HHAT: variants seen among roughly 807,000 people sequenced by gnomAD.
The protein encoded by HHAT is protein-cysteine N-palmitoyltransferase HHAT.
Under a neutral mutation model 70.8 loss-of-function variants are expected in HHAT, and 47 were observed. That is an observed-to-expected ratio of 0.66 (90% confidence interval 0.53 to 0.85). HHAT has a LOEUF of 0.85. HHAT is among the 40% of genes least tolerant of loss of function. The pLI is 0.00. For missense variants in HHAT, 609 were observed against 604.8 expected (o/e 1.01, Z -0.07); for synonymous variants, 228 against 247.6 (o/e 0.92, Z 0.74).
chr1:210,418,448 A>G (rs752674706), intron 7 of HHAT, 123 bp downstream of exon 7: 2 of 842,352 alleles, frequency 2.4e-6, no homozygotes, highest in Non-Finnish European at 3.6e-6. Context: ...CTTTATTATT[A>G]TTTTTTAACC....
chr1:210,517,778 T>TCAAAACA (rs1457613348), intron 9 of HHAT, among the ~76,000 whole-genome samples: 2 of 152,224 alleles, frequency 1.3e-5, no homozygotes, highest in African/African-American at 4.8e-5. Context: ...TAAAAGTATT[T>TCAAAACA]CAAAACATGT....
intron 3 of HHAT, among the ~76,000 whole-genome samples, chr1:210,373,932 C>G (rs555385998): frequency 6.6e-6 from 1 of 152,174 alleles, no homozygotes; most frequent in East Asian, 1.9e-4. Flanking sequence ...CAGTCTGTGT[C>G]TCCAATGTTA....
chr1:210,466,211 G>A (rs925309712), intron 8 of HHAT, among the ~76,000 whole-genome samples: 5 of 152,326 alleles, frequency 3.3e-5, no homozygotes, highest in Admixed American at 2.0e-4. Context: ...GAATTGCAAG[G>A]TTTCTTTTTG....
intron 8 of HHAT, among the ~76,000 whole-genome samples, chr1:210,511,780 CTTTTT>C (rs201825628): frequency 9.0e-5 from 8 of 88,478 alleles, no homozygotes; most frequent in South Asian, 9.1e-4. Context: ...GCCGCCTGGT[CTTTTT>C]TTTTTTTTTT....
At chr1:210,577,906 A>G (rs1259514373) in intron 9 of HHAT, among the ~76,000 whole-genome samples, 1 of 151,922 alleles carries the variant, frequency 6.6e-6, no homozygotes, top group African/African-American at 2.4e-5. Context: ...TCAGCCTCTC[A>G]AAGTTCTGGG....
At chr1:210,534,475 C>T (rs1353716404) in intron 9 of HHAT, among the ~76,000 whole-genome samples, 3 of 152,054 alleles carry the variant, frequency 2.0e-5, no homozygotes, top group Admixed American at 6.5e-5. Context: ...TACAGAAATA[C>T]AGGTGGAGTA....
intron 7 of HHAT, among the ~76,000 whole-genome samples, chr1:210,427,672 G>A (rs999357646): frequency 6.6e-6 from 1 of 152,116 alleles, no homozygotes; most frequent in Non-Finnish European, 1.5e-5. Flanking sequence ...AAGAGACTAT[G>A]TTATGATTTC....
intron 1 of HHAT, among the ~76,000 whole-genome samples, chr1:210,347,763 C>G (rs764585): frequency 6.6e-6 from 1 of 151,988 alleles, no homozygotes; most frequent in Non-Finnish European, 1.5e-5. Flanking sequence ...GGGGTGGTAC[C>G]TGGATTTGGG....
chr1:210,375,588 G>A (rs2090124619), intron 3 of HHAT, among the ~76,000 whole-genome samples: 1 of 151,714 alleles, frequency 6.6e-6, no homozygotes, highest in Admixed American at 6.6e-5. Context: ...TCTTTTAATT[G>A]CTGTATTTAA....
chr1:210,508,881 T>C (rs1234614686), intron 8 of HHAT, among the ~76,000 whole-genome samples: 1 of 152,268 alleles, frequency 6.6e-6, no homozygotes, highest in East Asian at 1.9e-4. Flanking sequence ...GTGCTTTTTA[T>C]CTTTCATTTT....
intron 3 of HHAT, among the ~76,000 whole-genome samples, chr1:210,381,430 G>A (rs80197808): frequency 0.059 from 9,032 of 151,982 alleles, 287 homozygotes; most frequent in South Asian, 0.083. Flanking sequence ...GTAAGTATGC[G>A]CCAGCACTCC....
chr1:210,439,196 C>T (rs1225507814), intron 7 of HHAT, among the ~76,000 whole-genome samples: 1 of 151,846 alleles, frequency 6.6e-6, no homozygotes, highest in East Asian at 1.9e-4. Context: ...CTTGTGCTCC[C>T]CTCACTAATG....
chr1:210,356,375 G>A (rs575289567), intron 2 of HHAT, among the ~76,000 whole-genome samples: 52 of 151,860 alleles, frequency 3.4e-4, no homozygotes, highest in Admixed American at 7.2e-4. Context: ...GCGTTTTCAT[G>A]TCACAGGCTT....
chr1:210,654,256 C>T (rs937500132), intron 11 of HHAT, among the ~76,000 whole-genome samples: 3 of 34,852 alleles, frequency 8.6e-5, no homozygotes, highest in Non-Finnish European at 1.8e-4. Context: ...TCCCTTCATG[C>T]ACTGGCGACC....
intron 1 of HHAT, among the ~76,000 whole-genome samples, chr1:210,341,214 T>C (rs1033108301): frequency 2.0e-5 from 3 of 152,196 alleles, no homozygotes; most frequent in Non-Finnish European, 4.4e-5. Flanking sequence ...GTTAGCTTAA[T>C]GATGAGAGCT....
chr1:210,412,427 A>G (rs914105631), intron 6 of HHAT, among the ~76,000 whole-genome samples: 2 of 152,210 alleles, frequency 1.3e-5, no homozygotes, highest in African/African-American at 4.8e-5. Flanking sequence ...TACTCAAGGT[A>G]TGATTCATCC....
At position 210,612,889 on chromosome 1, in the gene HHAT, T is replaced by C. The variant is rs974579812; in HGVS notation, c.1246-10637T>C. ...TTGATTTGCATTTCCTTTATGACTT[T>C]TTTGTGCTTACTGGCCATTTGTATA... On this transcript the variant is annotated intron_variant, in intron 10 of 11. Coordinates refer to ENST00000261458, the MANE Select transcript of HHAT (RefSeq NM_018194.6). Among the ~76,000 whole-genome samples the C allele has an allele frequency of 2.6e-5, 4 of 152,196 alleles. No individual in the cohort carries two copies. The East Asian group carries it at 5.8e-4, about 22-fold the overall frequency.
chr1:210,671,305 C>T (rs1394109208), intron 11 of HHAT, among the ~76,000 whole-genome samples: 1 of 152,182 alleles, frequency 6.6e-6, no homozygotes, highest in African/African-American at 2.4e-5. Context: ...TCATCCTGCT[C>T]CCTGAACCCA....
intron 7 of HHAT, among the ~76,000 whole-genome samples, chr1:210,419,043 T>G (rs537222250): frequency 6.6e-6 from 1 of 151,888 alleles, no homozygotes. Flanking sequence ...AAAAAAAGAA[T>G]GAGTTTCAGG....
Sources: allele counts gnomAD v4.1 joint callset (sites outside exome capture counted in the v4.1 genomes callset), GRCh38; gene constraint gnomAD v4.1.1; transcripts MANE v1.5; gene names NCBI Gene and HGNC (gene_info 2026-07-23, HGNC 2026-07-21).